The following PCDH15 variants were observed in gnomAD, a reference collection of about 807,000 sequenced individuals.
The protein encoded by PCDH15 is protocadherin-15.
Under a neutral mutation model 178.5 loss-of-function variants are expected in PCDH15, and 129 were observed. The observed-to-expected ratio is 0.72, with a 90% CI of 0.63 to 0.84. The LOEUF (loss-of-function observed/expected upper bound fraction) is 0.84. PCDH15 is among the 40% of genes least tolerant of loss of function. The pLI is 0.00. For synonymous variants in PCDH15, 800 were observed against 732.0 expected, an observed-to-expected ratio of 1.09 and a Z score of -1.50; for missense variants, 2,230 against 2,099.9, an observed-to-expected ratio of 1.06 and a Z score of -1.21.
In PCDH15 at chr10:55,285,443, T is replaced by C. The variant is rs1326532188; in HGVS notation, c.-156+34156A>G. On this transcript the variant is annotated intron_variant, in intron 1 of 5. Transcript: ENST00000458638. The stretch of plus-strand genomic sequence containing the variant: ...GCATATTTTATTTAGGAAGATATTG[T>C]GAATATATTTTCCATTAATGGGCAT... Among the ~76,000 whole-genome samples, 6 of 151,824 alleles carry C rather than the reference T, an allele frequency of 4.0e-5. No individual in the cohort carries two copies. The East Asian group carries it at 1.2e-3, about 29-fold the overall frequency.
intron 10 of PCDH15, among the ~76,000 whole-genome samples, chr10:54,201,933 C>T (rs2050274661): frequency 6.6e-6 from 1 of 152,248 alleles, no homozygotes; most frequent in South Asian, 2.1e-4. Context: ...CTCACCCAGC[C>T]CCCTCAATCA....
intron 2 of PCDH15, among the ~76,000 whole-genome samples, chr10:55,027,431 G>C (rs1412576772): frequency 2.6e-5 from 4 of 151,770 alleles, no homozygotes; most frequent in Non-Finnish European, 5.9e-5. Context: ...AGGTGAATGA[G>C]GGGGTGGGGA....
chr10:54,615,755 T>C (rs1232907254), intron 2 of PCDH15, among the ~76,000 whole-genome samples: 1 of 152,144 alleles, frequency 6.6e-6, no homozygotes, highest in Non-Finnish European at 1.5e-5. Context: ...TAAAATACTG[T>C]TCATTTTCTG....
chr10:54,164,764 C>T (rs2046045288), intron 13 of PCDH15, among the ~76,000 whole-genome samples: 1 of 152,090 alleles, frequency 6.6e-6, no homozygotes, highest in Admixed American at 6.6e-5. Context: ...AAATGTGTAG[C>T]AAGTGGGTAA....
intron 7 of PCDH15, among the ~76,000 whole-genome samples, chr10:54,319,786 TA>T (rs78934916): frequency 1.3e-5 from 2 of 150,882 alleles, no homozygotes; most frequent in African/African-American, 4.9e-5. Context: ...GCCTTCCAAT[TA>T]AAAAAAAAGT....
intron 3 of PCDH15, among the ~76,000 whole-genome samples, chr10:54,400,444 A>G (rs1299519638): frequency 2.6e-5 from 4 of 152,100 alleles, no homozygotes; most frequent in African/African-American, 7.2e-5. Flanking sequence ...TTACTAACTT[A>G]TCATCAATTG....
chr10:53,852,754 CAA>C (rs759941634), intron 28 of PCDH15, among the ~76,000 whole-genome samples: 3 of 143,810 alleles, frequency 2.1e-5, no homozygotes, highest in Non-Finnish European at 4.6e-5. Flanking sequence ...ATTGGTCTAC[CAA>C]AAAAAAAAAT....
chr10:54,095,217 C>T (rs549426220), intron 15 of PCDH15, among the ~76,000 whole-genome samples: 1 of 152,204 alleles, frequency 6.6e-6, no homozygotes, highest in African/African-American at 2.4e-5. Flanking sequence ...CAATTCAGTA[C>T]AGCAGTGTTT....
chr10:54,281,053 A>G (rs2044003), intron 8 of PCDH15, among the ~76,000 whole-genome samples: 6,048 of 152,010 alleles, frequency 0.04, 375 homozygotes, highest in African/African-American at 0.14. Context: ...ATATTCATAA[A>G]TTATTGAAAG....
intron 2 of PCDH15, among the ~76,000 whole-genome samples, chr10:54,640,405 ATACTTT>A (rs2093961835): frequency 6.6e-6 from 1 of 152,044 alleles, no homozygotes; most frequent in Non-Finnish European, 1.5e-5. Context: ...TGTACCTTTA[ATACTTT>A]TCTATTTGTT....
At chr10:54,437,980 T>C (rs1460516222) in intron 3 of PCDH15, among the ~76,000 whole-genome samples, 1 of 152,202 alleles carries the variant, frequency 6.6e-6, no homozygotes, top group Non-Finnish European at 1.5e-5. Flanking sequence ...TATCTAGCAA[T>C]TTCCAAACAC....
At chr10:54,052,362 G>A (rs1375775138) in intron 18 of PCDH15, among the ~76,000 whole-genome samples, 1 of 152,204 alleles carries the variant, frequency 6.6e-6, no homozygotes, top group Non-Finnish European at 1.5e-5. Flanking sequence ...GCTTCCCACG[G>A]CTATGGGAGT....
chr10:54,547,984 G>C (rs1242617109), intron 2 of PCDH15, among the ~76,000 whole-genome samples: 1 of 150,730 alleles, frequency 6.6e-6, no homozygotes, highest in Non-Finnish European at 1.5e-5. Flanking sequence ...GTTGAGACTT[G>C]ATATTTTATG....
At chr10:54,091,587 G>A (rs1439417849) in intron 15 of PCDH15, among the ~76,000 whole-genome samples, 4 of 152,148 alleles carry the variant, frequency 2.6e-5, no homozygotes, top group African/African-American at 9.7e-5. Flanking sequence ...ACAGAATCAA[G>A]GGAAACTGAA....
At chr10:54,438,660 C>T (rs531739250) in intron 3 of PCDH15, among the ~76,000 whole-genome samples, 3 of 152,170 alleles carry the variant, frequency 2.0e-5, no homozygotes, top group Admixed American at 6.5e-5. Context: ...CTCTTGAGGA[C>T]ACCTATCAAA....
At chr10:54,885,527 G>C (rs1954341952) in intron 3 of PCDH15, among the ~76,000 whole-genome samples, 1 of 151,758 alleles carries the variant, frequency 6.6e-6, no homozygotes, top group South Asian at 2.1e-4. Context: ...AAAAAGAAAG[G>C]AACAAAATAA....
At chr10:55,533,577 A>T (rs1224743987) in intron 2 of PCDH15, among the ~76,000 whole-genome samples, 1 of 152,076 alleles carries the variant, frequency 6.6e-6, no homozygotes, top group Admixed American at 6.6e-5. Flanking sequence ...GAAATCAAAG[A>T]TGACATAAAT....
At chr10:55,295,750 AT>A (rs764706024) in intron 1 of PCDH15, among the ~76,000 whole-genome samples, 1 of 151,854 alleles carries the variant, frequency 6.6e-6, no homozygotes, top group Non-Finnish European at 1.5e-5. Flanking sequence ...TGTGTGGGAT[AT>A]TTTTTTTCCC....
At chr10:54,964,370 A>G (rs1838729789) in intron 2 of PCDH15, among the ~76,000 whole-genome samples, 1 of 152,214 alleles carries the variant, frequency 6.6e-6, no homozygotes, top group Admixed American at 6.5e-5. Context: ...CCAAACACTT[A>G]GAAAGTAGCA....
Sources: gnomAD v4.1 joint callset for allele counts (sites outside exome capture counted in the v4.1 genomes callset) on GRCh38, gnomAD v4.1.1 for gene constraint, MANE v1.5 for transcripts, NCBI Gene and HGNC (gene_info 2026-07-23, HGNC 2026-07-21) for gene names.